SCN10A: variants seen among roughly 807,000 people sequenced by gnomAD.
SCN10A encodes the protein sodium channel protein type 10 subunit alpha.
A neutral mutation model predicts 170.7 loss-of-function variants in SCN10A; 162 were observed. The ratio of observed to expected loss-of-function variants is 0.95; its 90% confidence interval spans 0.84 to 1.08. The LOEUF (loss-of-function observed/expected upper bound fraction) is 1.08, where lower values mean the gene tolerates loss of function less well. SCN10A is among the 50% of genes least tolerant of loss of function. The pLI, the probability that SCN10A is intolerant of heterozygous loss-of-function variation, is 0.00. For missense variants in SCN10A, 2,527 were observed against 2,436.9 expected (o/e 1.04, Z -0.78); for synonymous variants, 985 against 904.6 (o/e 1.09, Z -1.59).
intron 13 of SCN10A, among the ~76,000 whole-genome samples, chr3:38,746,100 T>TATATAG (rs71085336): frequency 0.019 from 1,929 of 99,740 alleles, 154 homozygotes; most frequent in Middle Eastern, 0.042. Flanking sequence ...TATATATATA[T>TATATAG]GCCATCTTTG....
intron 18 of SCN10A, among the ~76,000 whole-genome samples, chr3:38,723,858 G>C (rs549942024): frequency 1.8e-4 from 28 of 152,352 alleles, no homozygotes; most frequent in African/African-American, 6.5e-4. Flanking sequence ...CCTCCTGGCA[G>C]CTCCAGCCCT....
chr3:38,731,299 G>A lies in SCN10A; in HGVS notation c.2281-2398C>T, dbSNP rs75108240. The stretch of plus-strand genomic sequence containing the variant: ...GAGCAAATTTCAGATAAACAAAGAG[G>A]TTATGGCCAGAAGGCACTTACTAAA... On this transcript the variant is annotated intron_variant, in intron 15 of 27. Transcript: ENST00000449082. Among the ~76,000 whole-genome samples the A allele has an allele frequency of 9.4e-3, 1,438 of 152,262 alleles. 22 individuals are homozygous for A. Among genetic ancestry groups the A allele is most frequent in the African/African-American group, 0.033 (1,375 of 41,550 alleles).
In SCN10A at chr3:38,793,843, G is replaced by T. The variant is rs759227621; in HGVS notation, c.168C>A (p.Asp56Glu). The change falls in exon 2 of 28, where the codon GAC becomes GAA. Residue 56 changes from aspartate to glutamate, a missense_variant. Transcript: ENST00000449082. Reference protein sequence around the residue: ...DQEEKPRPQLDLKACNQLPKF... With the variant: ...DQEEKPRPQLELKACNQLPKF... ...TGGGCAGCTGGTTGCAGGCTTTCAAGTCCAGCTGGGGCCGAGGCTTCTCTT... is the reference window on the plus strand; with the variant it reads ...TGGGCAGCTGGTTGCAGGCTTTCAATTCCAGCTGGGGCCGAGGCTTCTCTT... The T allele has an allele frequency of 1.2e-6, 2 of 1,614,068 alleles. No individual in the cohort carries two copies. Among genetic ancestry groups the T allele is most frequent in the East Asian group, 2.2e-5 (1 of 44,860 alleles).
At chr3:38,795,335 C>CT (rs2064332853) in intron 1 of SCN10A, among the ~76,000 whole-genome samples, 4 of 141,520 alleles carry the variant, frequency 2.8e-5, no homozygotes, top group East Asian at 2.0e-4. Flanking sequence ...TTGTTTTTTT[C>CT]TTTTTCTTTT....
At chr3:38,778,894 T>C (rs1282651532) in intron 4 of SCN10A, among the ~76,000 whole-genome samples, 1 of 152,044 alleles carries the variant, frequency 6.6e-6, no homozygotes, top group African/African-American at 2.4e-5. Flanking sequence ...ACCATATAGG[T>C]AGATTTGTAT....
At position 38,698,251 on chromosome 3, in the gene SCN10A, T is replaced by G; in HGVS notation, c.4969A>C (p.Ile1657Leu). Residue 1657 changes from isoleucine to leucine, a missense_variant, in exon 28 of 28, where the codon ATT (isoleucine) becomes CTT (leucine). Transcript: ENST00000449082. Reference sequence around the variant, plus strand: ...CCATCCCAGCCGGCCGACGTGGTAATCTGGAAGAGGCACAGCATGCTGTTG... The same window carrying G: ...CCATCCCAGCCGGCCGACGTGGTAAGCTGGAAGAGGCACAGCATGCTGTTG... ...FANSMLCLFQ[I>L]TTSAGWDGLL... 3 of 1,614,008 alleles carry G rather than the reference T, an allele frequency of 1.9e-6. No homozygotes were observed. Among genetic ancestry groups the G allele is most frequent in the Non-Finnish European group, 2.5e-6 (3 of 1,180,000 alleles).
chr3:38,740,565 G>A (rs552623477), intron 14 of SCN10A, among the ~76,000 whole-genome samples: 1 of 152,234 alleles, frequency 6.6e-6, no homozygotes, highest in Admixed American at 6.5e-5. Flanking sequence ...GTGGTGTGGT[G>A]GGGGGTAGGG....
rs536247754 is a variant in SCN10A, at chr3:38,797,312, C to T, written c.-32-3270G>A. Among the ~76,000 whole-genome samples the T allele has an allele frequency of 3.9e-5, 6 of 152,298 alleles. No homozygotes were observed. In the East Asian group the frequency reaches 1.2e-3, roughly 29 times the overall value. ...ATGTAGGAGGCTCTGCTGGTTGTCA[C>T]CAGTCCTTCCATGCATTGAAGTCCT... is the stretch of plus-strand genomic sequence containing the variant. On this transcript the variant is annotated intron_variant, in intron 1 of 27. Coordinates refer to ENST00000449082, the MANE Select transcript of SCN10A (RefSeq NM_006514.4).
chr3:38,736,977 T>TTTTTTTTTTTTG (rs1559433175), intron 15 of SCN10A, among the ~76,000 whole-genome samples: 13 of 108,732 alleles, frequency 1.2e-4, no homozygotes, highest in African/African-American at 4.0e-4. Flanking sequence ...TTTTTTTTTT[T>TTTTTTTTTTTTG]TTTTTTTTTT....
In SCN10A at chr3:38,727,049, G is replaced by A; in HGVS notation, c.2644C>T (p.Leu882Phe). Residue 882 changes from leucine (L) to phenylalanine (F), a missense_variant, in exon 17 of 28, where the codon CTT becomes TTT. Coordinates refer to ENST00000449082, the MANE Select transcript of SCN10A (RefSeq NM_006514.4). ...TVMVLGNLVV[L>F]NLFIALLLNS... The stretch of plus-strand genomic sequence containing the variant: ...AATAGCAGGGCGATGAACAGGTTAA[G>A]CACCTGAAGAGAAGGAATGGAAGGG... 6 of 1,600,430 alleles carry A rather than the reference G, an allele frequency of 3.7e-6. No homozygotes were observed. The highest frequency in any genetic ancestry group is 5.1e-6 in the Non-Finnish European group (6 of 1,168,430).
intron 1 of SCN10A, among the ~76,000 whole-genome samples, chr3:38,806,011 C>T (rs559710453): frequency 6.6e-6 from 1 of 152,232 alleles, no homozygotes; most frequent in Non-Finnish European, 1.5e-5. Context: ...GACCGTGGTA[C>T]TGAACAAGAG....
chr3:38,805,243 T>C (rs2064398152), intron 1 of SCN10A, among the ~76,000 whole-genome samples: 1 of 152,116 alleles, frequency 6.6e-6, no homozygotes, highest in Non-Finnish European at 1.5e-5. Context: ...GGACCTTTCA[T>C]AGCACTGGGT....
At chr3:38,793,644 C>T in intron 2 of SCN10A, 97 bp downstream of exon 2, 3 of 1,247,720 alleles carry the variant, frequency 2.4e-6, no homozygotes, top group Non-Finnish European at 3.4e-6. Context: ...AGCAGACTGC[C>T]ACATCACCCA....
At position 38,723,063 on chromosome 3, in the gene SCN10A, A is replaced by C. The variant is rs531668087; in HGVS notation, c.3352+367T>G. Among the ~76,000 whole-genome samples the C allele has an allele frequency of 2.0e-5, 3 of 152,362 alleles. No homozygotes were observed. The South Asian group carries it at 6.2e-4, about 32-fold the overall frequency. On this transcript the variant is annotated intron_variant, in intron 19 of 27. Coordinates refer to ENST00000449082, the MANE Select transcript of SCN10A (RefSeq NM_006514.4). ...ACAAAAGATTGAGGGAAGCAGATACATCATGGCCTTCCTCTGGGTCCTTCA... is the reference window on the plus strand; with the variant it reads ...ACAAAAGATTGAGGGAAGCAGATACCTCATGGCCTTCCTCTGGGTCCTTCA...
chr3:38,812,617 C>G (rs995168622), intron 1 of SCN10A, among the ~76,000 whole-genome samples: 11 of 152,082 alleles, frequency 7.2e-5, no homozygotes, highest in African/African-American at 2.7e-4. Flanking sequence ...CTACCCCTCT[C>G]CTGCCTGGAG....
At position 38,718,698 on chromosome 3, in the gene SCN10A, C is replaced by T. The variant is rs2063357458; in HGVS notation, c.3636G>A (p.Lys1212=). The T allele has an allele frequency of 2.5e-6, 4 of 1,614,092 alleles. No homozygotes were observed. The highest frequency in any genetic ancestry group is 3.4e-6 in the Non-Finnish European group (4 of 1,180,034). Residue 1212 remains lysine, a synonymous_variant, in exon 21 of 28, where the codon AAG becomes AAA. Transcript: ENST00000449082. The stretch of plus-strand genomic sequence containing the variant: ...GCCAGCACCAGGCATTGGTGAAGTA[C>T]TTTTTGAAGCCATAGGCCACCCACT... The part of the protein sequence containing the change: ...LLKWVAYGFK[K]YFTNAWCWLD...
chr3:38,737,059 C>T (rs1157663793), intron 15 of SCN10A, among the ~76,000 whole-genome samples: 1 of 145,096 alleles, frequency 6.9e-6, no homozygotes, highest in Non-Finnish European at 1.5e-5. Context: ...TAAGCTCCGC[C>T]TCCCAGGTTC....
intron 1 of SCN10A, among the ~76,000 whole-genome samples, chr3:38,815,774 T>G (rs954438521): frequency 2.6e-5 from 4 of 152,266 alleles, no homozygotes; most frequent in African/African-American, 9.6e-5. Flanking sequence ...TGATGTAGCA[T>G]GTAGAAATTG....
At position 38,750,159 on chromosome 3, in the gene SCN10A, GTCT is replaced by G. The variant is rs778342059; in HGVS notation, c.1778_1780del (p.Lys593del). ...ATCTAAGTATTCTGCTGACAAGAAA[GTCT>G]TCTTTTGTCCTGCATCGAATGCCTG... On this transcript the variant is annotated inframe_deletion, in exon 13 of 28. Coordinates refer to ENST00000449082, the MANE Select transcript of SCN10A (RefSeq NM_006514.4). 2 of 1,612,172 alleles carry G rather than the reference GTCT, an allele frequency of 1.2e-6. No individual in the cohort carries two copies. The highest frequency in any genetic ancestry group is 2.2e-5 in the East Asian group (1 of 44,866).
Sources: gnomAD v4.1 joint callset for allele counts (sites outside exome capture counted in the v4.1 genomes callset) on GRCh38, gnomAD v4.1.1 for gene constraint, MANE v1.5 for transcripts, NCBI Gene and HGNC (gene_info 2026-07-23, HGNC 2026-07-21) for gene names.